SENP5: variants seen among roughly 807,000 people sequenced by gnomAD.
SENP5 encodes SUMO specific peptidase 5.
A neutral mutation model predicts 74.2 loss-of-function variants in SENP5; 21 were observed. That is an observed-to-expected ratio of 0.28 (90% CI 0.20 to 0.41). The LOEUF is 0.41. Ranked by LOEUF, SENP5 falls within the 10% of genes least tolerant of loss-of-function variation. The pLI is 1.00. For synonymous variants in SENP5, 311 were observed against 312.7 expected, an observed-to-expected ratio of 0.99 and a Z score of 0.06; for missense variants, 717 against 889.1, an observed-to-expected ratio of 0.81 and a Z score of 2.46.
intron 6 of SENP5, among the ~76,000 whole-genome samples, chr3:196,911,200 A>G (rs910667998): frequency 6.7e-6 from 1 of 150,210 alleles, no homozygotes; most frequent in Admixed American, 6.7e-5. Flanking sequence ...AATTGCAGCA[A>G]AAGCCAACAT....
chr3:196,904,498 A>G (rs1031787260), intron 6 of SENP5, among the ~76,000 whole-genome samples: 1 of 152,158 alleles, frequency 6.6e-6, no homozygotes, highest in Non-Finnish European at 1.5e-5. Context: ...AAGACATTAG[A>G]GAGTTTAGGC....
chr3:196,891,880 T>C, intron 2 of SENP5, among the ~76,000 whole-genome samples: 1 of 152,244 alleles, frequency 6.6e-6, no homozygotes, highest in South Asian at 2.1e-4. Flanking sequence ...AACCTCTGCC[T>C]TCTGGGTTCA....
rs556081376 is a variant in SENP5, at chr3:196,897,167, T to G, written c.1514-2499T>G. Among the ~76,000 whole-genome samples, 5 of 152,224 alleles carry G rather than the reference T, an allele frequency of 3.3e-5. No individual in the cohort carries two copies. The East Asian group carries it at 7.7e-4, about 23-fold the overall frequency. On this transcript the variant is annotated intron_variant, in intron 2 of 9. Coordinates refer to ENST00000323460, the MANE Select transcript of SENP5 (RefSeq NM_152699.5). ...TCAATCAAAGTTGTGGGGCCTAAAG[T>G]TTAATTTTTATTGTTGTTAGGGGTA...
intron 1 of SENP5, among the ~76,000 whole-genome samples, chr3:196,876,928 C>T (rs1002342723): frequency 1.3e-5 from 2 of 152,088 alleles, no homozygotes; most frequent in African/African-American, 2.4e-5. Flanking sequence ...TAAATAACCA[C>T]AGTTATTTAC....
chr3:196,922,654 T>C (rs1715665183), intron 6 of SENP5, among the ~76,000 whole-genome samples: 1 of 152,158 alleles, frequency 6.6e-6, no homozygotes, highest in South Asian at 2.1e-4. Context: ...AAGGTCTGGC[T>C]CTGTCACCCA....
intron 6 of SENP5, 86 bp downstream of exon 6, chr3:196,903,696 A>G: frequency 5.7e-6 from 4 of 697,714 alleles, no homozygotes; most frequent in Non-Finnish European, 9.6e-6. Context: ...TTTAATGCCA[A>G]TACGATGTTA....
intron 2 of SENP5, among the ~76,000 whole-genome samples, chr3:196,887,697 C>T (rs1714033556): frequency 6.6e-6 from 1 of 152,044 alleles, no homozygotes; most frequent in Non-Finnish European, 1.5e-5. Flanking sequence ...GCCTTCAGTA[C>T]CCCAAAATTG....
At chr3:196,922,756 C>T (rs528025959) in intron 6 of SENP5, among the ~76,000 whole-genome samples, 3 of 152,156 alleles carry the variant, frequency 2.0e-5, no homozygotes, top group Middle Eastern at 3.4e-3. Flanking sequence ...CAAGTAACTG[C>T]GACTACCAGT....
At position 196,886,260 on chromosome 3, in the gene SENP5, C is replaced by G. The variant is rs746937167; in HGVS notation, c.1079C>G (p.Ser360Cys). The G allele has an allele frequency of 3.7e-6, 6 of 1,614,112 alleles. No homozygotes were observed. The highest frequency in any genetic ancestry group is 5.1e-6 in the Non-Finnish European group (6 of 1,180,002). Reference sequence around the variant, plus strand: ...GCCACAAACGCCTGGGACCAGTCATCCTGTTCTTCTCCTAAGTGGGAGTGT... The same window carrying G: ...GCCACAAACGCCTGGGACCAGTCATGCTGTTCTTCTCCTAAGTGGGAGTGT... ...GSATNAWDQS[S>C]CSSPKWECTE... Residue 360 changes from serine (S) to cysteine (C), a missense_variant, in exon 2 of 10, where the codon TCC becomes TGC. Transcript: ENST00000323460.
chr3:196,903,676 G>C (rs1472954736), intron 6 of SENP5, 66 bp downstream of exon 6: 1 of 911,794 alleles, frequency 1.1e-6, no homozygotes, highest in Non-Finnish European at 1.7e-6. Context: ...TTGTGTGGAA[G>C]GATAAGTACT....
At chr3:196,873,065 T>G (rs1487720681) in intron 1 of SENP5, among the ~76,000 whole-genome samples, 1 of 140,570 alleles carries the variant, frequency 7.1e-6, no homozygotes, top group Non-Finnish European at 1.5e-5. Flanking sequence ...AGCTTGAGAT[T>G]TAACTTTTTT....
intron 5 of SENP5, among the ~76,000 whole-genome samples, chr3:196,901,419 G>C (rs1273256689): frequency 6.6e-6 from 1 of 151,966 alleles, no homozygotes; most frequent in African/African-American, 2.4e-5. Flanking sequence ...TTTTTCCTTA[G>C]ATAAATCTTT....
At chr3:196,899,579 C>G in intron 2 of SENP5, 87 bp from the exon 3 acceptor site, 1 of 760,848 alleles carries the variant, frequency 1.3e-6, no homozygotes, top group Non-Finnish European at 2.3e-6. Flanking sequence ...GTGTTAAGTG[C>G]TGTGTATAGG....
At chr3:196,899,876 A>G in intron 3 of SENP5, 48 bp from the exon 4 acceptor site, 6 of 1,598,428 alleles carry the variant, frequency 3.8e-6, no homozygotes, top group Non-Finnish European at 5.1e-6. Flanking sequence ...TAAATTGAGA[A>G]GTACTCATGT....
intron 1 of SENP5, among the ~76,000 whole-genome samples, chr3:196,881,503 A>G (rs1713724199): frequency 2.0e-5 from 3 of 151,948 alleles, no homozygotes; most frequent in Non-Finnish European, 2.9e-5. Flanking sequence ...ATTTTTGCCA[A>G]TTGTCTTATA....
Position 196,872,674 on chromosome 3 carries a change from G to C in SENP5, c.-32+4601G>C, listed in dbSNP as rs112443340. Reference sequence around the variant, plus strand: ...TAGCGGAGCTGCACTATCCAGTGTGGTAGCCACTAGCCACATGTAGCAGCC... The same window carrying C: ...TAGCGGAGCTGCACTATCCAGTGTGCTAGCCACTAGCCACATGTAGCAGCC... On this transcript the variant is annotated intron_variant, in intron 1 of 9. Coordinates refer to ENST00000323460, the MANE Select transcript of SENP5 (RefSeq NM_152699.5). Among the ~76,000 whole-genome samples the C allele has an allele frequency of 4.6e-5, 7 of 152,174 alleles. 1 individual carries two copies. The highest frequency in any genetic ancestry group is 1.7e-4 in the African/African-American group (7 of 41,524).
chr3:196,872,856 C>G (rs987754908), intron 1 of SENP5, among the ~76,000 whole-genome samples: 11 of 152,084 alleles, frequency 7.2e-5, no homozygotes, highest in Non-Finnish European at 1.3e-4. Flanking sequence ...CTGTGCTGTT[C>G]TAGTCTAGAG....
intron 6 of SENP5, among the ~76,000 whole-genome samples, chr3:196,912,017 G>A (rs1477298367): frequency 6.6e-6 from 1 of 152,196 alleles, no homozygotes; most frequent in Non-Finnish European, 1.5e-5. Context: ...GGAAGACAGA[G>A]TGGCAATTCC....
At chr3:196,895,332 C>T (rs1714397635) in intron 2 of SENP5, among the ~76,000 whole-genome samples, 1 of 146,176 alleles carries the variant, frequency 6.8e-6, no homozygotes, top group South Asian at 2.2e-4. Context: ...ACTACAGGCG[C>T]CCGCCACCAT....
Sources: allele counts gnomAD v4.1 joint callset (sites outside exome capture counted in the v4.1 genomes callset), GRCh38; gene constraint gnomAD v4.1.1; transcripts MANE v1.5; gene names NCBI Gene and HGNC (gene_info 2026-07-23, HGNC 2026-07-21).